PRORP: variants seen among roughly 807,000 people sequenced by gnomAD.
PRORP encodes the protein protein only RNase P catalytic subunit.
PRORP carries 51 observed loss-of-function variants against 59.4 expected under a neutral mutation model. The observed-to-expected ratio is 0.86, with a 90% CI of 0.69 to 1.08. The LOEUF (loss-of-function observed/expected upper bound fraction) is 1.08. Among genes scored for constraint, PRORP ranks in the 50% least tolerant of loss-of-function variants. The pLI is 0.00. For missense variants in PRORP, 646 were observed against 690.3 expected, an observed-to-expected ratio of 0.94 and a Z score of 0.72; for synonymous variants, 231 against 245.6, an observed-to-expected ratio of 0.94 and a Z score of 0.55.
At chr14:35,208,143 C>G (rs1333843066) in intron 5 of PRORP, among the ~76,000 whole-genome samples, 1 of 150,670 alleles carries the variant, frequency 6.6e-6, no homozygotes, top group African/African-American at 2.4e-5. Flanking sequence ...GAGCAAGACT[C>G]CATCTCAAAA....
At chr14:35,203,736 C>T (rs1052210353) in intron 5 of PRORP, among the ~76,000 whole-genome samples, 2 of 151,968 alleles carry the variant, frequency 1.3e-5, no homozygotes, top group East Asian at 1.9e-4. Context: ...AGGTGGCAGG[C>T]GCCTGTAGTC....
At chr14:35,246,417 T>C (rs1417260533) in intron 5 of PRORP, among the ~76,000 whole-genome samples, 1 of 152,214 alleles carries the variant, frequency 6.6e-6, no homozygotes, top group African/African-American at 2.4e-5. Context: ...CTAATCCTTC[T>C]TCAGCAGTTT....
At chr14:35,268,791 T>C (rs1167589537) in intron 6 of PRORP, among the ~76,000 whole-genome samples, 1 of 152,198 alleles carries the variant, frequency 6.6e-6, no homozygotes, top group Non-Finnish European at 1.5e-5. Flanking sequence ...AGATGGGGTT[T>C]CACCATGTTG....
At position 35,124,165 on chromosome 14, in the gene PRORP, A is replaced by G. The variant is rs1595149771; in HGVS notation, c.920A>G (p.Tyr307Cys). The G allele has an allele frequency of 6.2e-7, 1 of 1,604,340 alleles. No homozygotes were observed. Among genetic ancestry groups the G allele is most frequent in the Non-Finnish European group, 8.5e-7 (1 of 1,175,702 alleles). Residue 307 changes from tyrosine to cysteine, a missense_variant, in exon 2 of 8, where the codon TAT (tyrosine) becomes TGT (cysteine). Transcript: ENST00000534898. ...AATAAACTACTAGATATTCTTTCAT[A>G]TCTAAGAAATAATCAGCTGTATCCA... is the stretch of plus-strand genomic sequence containing the variant. Reference protein sequence around the residue: ...YSNKLLDILSYLRNNQLYPGE... With the variant: ...YSNKLLDILSCLRNNQLYPGE...
In PRORP at chr14:35,123,329, T is replaced by A; in HGVS notation, c.84T>A (p.Tyr28Ter). 6.2e-7 allele frequency: 1 copy of A among 1,614,060 alleles called. No individual in the cohort carries two copies. The highest frequency in any genetic ancestry group is 8.5e-7 in the Non-Finnish European group (1 of 1,180,042). Residue 28 changes from tyrosine (Y) to a stop codon, truncating the protein, a stop_gained, in exon 2 of 8, where the codon TAT becomes TAA. Transcript: ENST00000534898. LOFTEE classifies it high-confidence loss of function. ...PYLGLGPGHS[Y>*]VSLFLADRCG... ...TTGGGCTAGGCCCAGGGCACTCTTA[T>A]GTCTCGCTGTTTCTGGCAGACCGCT...
chr14:35,271,614 A>C (rs898362567), intron 7 of PRORP, among the ~76,000 whole-genome samples: 2 of 152,140 alleles, frequency 1.3e-5, no homozygotes, highest in Admixed American at 6.5e-5. Flanking sequence ...CTTTGATTCT[A>C]GTTAAGATAT....
rs2051283577 is a variant in PRORP, at chr14:35,275,581, T to A, written c.*2015T>A. The A allele has an allele frequency of 6.6e-6, 1 of 152,220 alleles. No individual in the cohort carries two copies. The highest frequency in any genetic ancestry group is 1.5e-5 in the Non-Finnish European group (1 of 68,042). The allele number at this position is 152,220 out of a possible 1,614,324, so 9.4% of individuals were successfully genotyped here. On this transcript the variant is annotated 3_prime_UTR_variant, in exon 8 of 8. Coordinates refer to ENST00000534898, the MANE Select transcript of PRORP (RefSeq NM_014672.4). ...CTTTTTTTAAGTAACTATCATAGTT[T>A]TAAGAAAAACATTTTAAGAAGACAA...
chr14:35,143,381 C>T (rs908972564), intron 4 of PRORP, among the ~76,000 whole-genome samples: 8 of 143,620 alleles, frequency 5.6e-5, no homozygotes, highest in African/African-American at 1.5e-4. Flanking sequence ...AGGATGGTCT[C>T]GAACTCCTGA....
chr14:35,248,415 G>A (rs762005227), intron 5 of PRORP, among the ~76,000 whole-genome samples: 2 of 152,198 alleles, frequency 1.3e-5, no homozygotes, highest in Non-Finnish European at 2.9e-5. Context: ...ACCACCTGGT[G>A]AAAGTTTCCT....
chr14:35,206,883 T>C (rs2049307391), intron 5 of PRORP, among the ~76,000 whole-genome samples: 1 of 152,238 alleles, frequency 6.6e-6, no homozygotes, highest in African/African-American at 2.4e-5. Context: ...GTTCTAATGC[T>C]CACTTAGAAG....
intron 4 of PRORP, among the ~76,000 whole-genome samples, chr14:35,165,741 A>G (rs1167905965): frequency 1.3e-5 from 2 of 151,580 alleles, no homozygotes; most frequent in Non-Finnish European, 2.9e-5. Flanking sequence ...GTGCAGTGGC[A>G]TGATCTTGGT....
chr14:35,228,776 A>G (rs115062818), intron 5 of PRORP, among the ~76,000 whole-genome samples: 1,538 of 152,284 alleles, frequency 0.01, 28 homozygotes, highest in African/African-American at 0.035. Context: ...ATATGAGTGC[A>G]TGTGTCTTTT....
chr14:35,198,680 A>G (rs1015416073), intron 5 of PRORP, among the ~76,000 whole-genome samples: 5 of 152,224 alleles, frequency 3.3e-5, no homozygotes, highest in Non-Finnish European at 5.9e-5. Flanking sequence ...TGTAGTAAGC[A>G]CTCTGAAGAG....
At chr14:35,151,630 A>G (rs866975563) in intron 4 of PRORP, among the ~76,000 whole-genome samples, 1 of 113,592 alleles carries the variant, frequency 8.8e-6, no homozygotes, top group Non-Finnish European at 1.8e-5. Context: ...GACATGCTAC[A>G]CACACACATA....
chr14:35,218,769 G>T (rs1015465246), intron 5 of PRORP, among the ~76,000 whole-genome samples: 3 of 151,622 alleles, frequency 2.0e-5, no homozygotes, highest in East Asian at 3.9e-4. Flanking sequence ...CAAGTGATCC[G>T]CCCACCTTCG....
Position 35,274,437 on chromosome 14 carries a change from TAGG to T in PRORP, c.*874_*876del, listed in dbSNP as rs1210780881. 1 of 151,942 alleles carries T rather than the reference TAGG, an allele frequency of 6.6e-6. No homozygotes were observed. The highest frequency in any genetic ancestry group is 2.4e-5 in the African/African-American group (1 of 41,312). 9.4% of individuals were successfully genotyped at this position (151,942 alleles called of 1,614,324 possible). A position where few individuals can be genotyped will look rare whatever the true frequency, so the allele number is the denominator to read the frequency against. On this transcript the variant is annotated 3_prime_UTR_variant, in exon 8 of 8. Transcript: ENST00000534898. Reference sequence around the variant, plus strand: ...TTGAAGCGAGAGAATCACTTGAGTCTAGGAGTTCAAGACCAGCCTAGGCAACAT... The same window carrying T: ...TTGAAGCGAGAGAATCACTTGAGTCTAGTTCAAGACCAGCCTAGGCAACAT...
At chr14:35,177,995 AT>A (rs2048497886) in intron 4 of PRORP, among the ~76,000 whole-genome samples, 1 of 152,014 alleles carries the variant, frequency 6.6e-6, no homozygotes, top group African/African-American at 2.4e-5. Flanking sequence ...CCTTCATTTC[AT>A]TATGTACCCA....
intron 4 of PRORP, among the ~76,000 whole-genome samples, chr14:35,171,756 C>T (rs953046620): frequency 6.6e-6 from 1 of 152,146 alleles, no homozygotes; most frequent in African/African-American, 2.4e-5. Context: ...TTTCTATCCT[C>T]TCCTTCTAGA....
At chr14:35,263,072 C>A in intron 5 of PRORP, 1 of 1,373,688 alleles carries the variant, frequency 7.3e-7, no homozygotes. Flanking sequence ...AACAAGATGC[C>A]GGATGATTCC....
Sources: gnomAD v4.1 joint callset for allele counts (sites outside exome capture counted in the v4.1 genomes callset) on GRCh38, gnomAD v4.1.1 for gene constraint, MANE v1.5 for transcripts, NCBI Gene and HGNC (gene_info 2026-07-23, HGNC 2026-07-21) for gene names.